The following LTBP1 variants were observed in gnomAD, a reference collection of about 807,000 sequenced individuals.
LTBP1 encodes latent transforming growth factor beta binding protein 1.
In LTBP1, 129 loss-of-function variants were observed where a neutral mutation model predicts 207.6. The observed-to-expected ratio is 0.62, with a 90% CI of 0.54 to 0.72. The LOEUF (loss-of-function observed/expected upper bound fraction) is 0.72, where lower values mean the gene tolerates loss of function less well. Among genes scored for constraint, LTBP1 ranks in the 30% least tolerant of loss-of-function variants. The probability of loss-of-function intolerance (pLI) is 0.00; values close to 1 mark genes in which losing one functional copy is unlikely to be tolerated. For synonymous variants in LTBP1, 963 were observed against 833.7 expected, an observed-to-expected ratio of 1.16 and a Z score of -2.67; for missense variants, 2,281 against 2,217.2, an observed-to-expected ratio of 1.03 and a Z score of -0.58.
At chr2:33,239,159 AC>A (rs2092195885) in intron 9 of LTBP1, among the ~76,000 whole-genome samples, 2 of 152,226 alleles carry the variant, frequency 1.3e-5, no homozygotes, top group South Asian at 4.1e-4. Context: ...AGGCAGAGAT[AC>A]CTGTAAATGT....
At chr2:33,073,323 G>C (rs2077901105) in intron 3 of LTBP1, among the ~76,000 whole-genome samples, 2 of 149,968 alleles carry the variant, frequency 1.3e-5, no homozygotes, top group Admixed American at 6.6e-5. Context: ...CATATCAACA[G>C]ATTTTTCTTT....
chr2:33,118,934 C>T (rs984933782), intron 4 of LTBP1, among the ~76,000 whole-genome samples: 2 of 152,106 alleles, frequency 1.3e-5, no homozygotes, highest in African/African-American at 4.8e-5. Flanking sequence ...ATAAATATTT[C>T]CAAGAAACTT....
At chr2:33,395,354 C>A (rs1427938421) in intron 32 of LTBP1, among the ~76,000 whole-genome samples, 3 of 152,122 alleles carry the variant, frequency 2.0e-5, no homozygotes, top group African/African-American at 7.2e-5. Flanking sequence ...AAATTCAGTG[C>A]TTTTACTTCA....
At chr2:33,080,156 A>G (rs899169239) in intron 3 of LTBP1, among the ~76,000 whole-genome samples, 1 of 152,060 alleles carries the variant, frequency 6.6e-6, no homozygotes, top group Non-Finnish European at 1.5e-5. Context: ...CCTCTTGAGT[A>G]GCTGGGCTTA....
At chr2:33,348,834 A>G (rs938839397) in intron 26 of LTBP1, among the ~76,000 whole-genome samples, 2 of 152,326 alleles carry the variant, frequency 1.3e-5, no homozygotes, top group East Asian at 3.9e-4. Flanking sequence ...TAAAAAGGTA[A>G]TTGTTGGACC....
At chr2:33,260,066 A>G (rs1293444939) in intron 13 of LTBP1, among the ~76,000 whole-genome samples, 1 of 152,224 alleles carries the variant, frequency 6.6e-6, no homozygotes, top group Non-Finnish European at 1.5e-5. Context: ...TTTGAGTAAG[A>G]ACAGAACTTA....
intron 1 of LTBP1, among the ~76,000 whole-genome samples, chr2:32,948,421 T>C (rs980980644): frequency 6.6e-6 from 1 of 152,224 alleles, no homozygotes; most frequent in African/African-American, 2.4e-5. Flanking sequence ...GGAATTCATC[T>C]CAGGTTGGGG....
intron 24 of LTBP1, among the ~76,000 whole-genome samples, chr2:33,329,073 A>G (rs936790051): frequency 2.6e-5 from 4 of 152,186 alleles, no homozygotes; most frequent in Admixed American, 2.6e-4. Flanking sequence ...AAATGTATGT[A>G]TGTTTCACTC....
chr2:33,062,570 G>T (rs2077317343), intron 3 of LTBP1, among the ~76,000 whole-genome samples: 1 of 152,042 alleles, frequency 6.6e-6, no homozygotes, highest in Middle Eastern at 3.2e-3. Flanking sequence ...TTCTCCGTTG[G>T]AATGCTTTGG....
chr2:33,197,584 G>C (rs1002558307), intron 7 of LTBP1, among the ~76,000 whole-genome samples: 2 of 152,138 alleles, frequency 1.3e-5, no homozygotes, highest in African/African-American at 4.8e-5. Context: ...GGTGTCCTTT[G>C]TTTTTAAATT....
At chr2:33,328,727 TG>T (rs1255555935) in intron 24 of LTBP1, among the ~76,000 whole-genome samples, 1 of 152,162 alleles carries the variant, frequency 6.6e-6, no homozygotes, top group Non-Finnish European at 1.5e-5. Flanking sequence ...AGATTTTGGG[TG>T]GGGACACAGC....
intron 3 of LTBP1, among the ~76,000 whole-genome samples, chr2:33,081,360 GATATAC>G (rs1268836402): frequency 1.3e-5 from 2 of 152,036 alleles, no homozygotes; most frequent in African/African-American, 4.8e-5. Flanking sequence ...CCTATACACA[GATATAC>G]ATATACACAC....
intron 2 of LTBP1, among the ~76,000 whole-genome samples, chr2:32,979,154 C>T (rs1231449037): frequency 2.0e-5 from 3 of 150,958 alleles, no homozygotes; most frequent in African/African-American, 7.3e-5. Flanking sequence ...CTTTTCATTT[C>T]ATTGATCTTT....
chr2:33,048,154 T>C (rs1386231963), intron 3 of LTBP1, among the ~76,000 whole-genome samples: 3 of 152,190 alleles, frequency 2.0e-5, no homozygotes, highest in African/African-American at 7.2e-5. Flanking sequence ...GTTGTAAGGA[T>C]AAGAATAAAA....
At chr2:33,123,153 T>G (rs139176843) in intron 4 of LTBP1, among the ~76,000 whole-genome samples, 2,886 of 152,344 alleles carry the variant, frequency 0.019, 53 homozygotes, top group Middle Eastern at 0.12. Context: ...ATCAGTTCCC[T>G]GAGACCCCTG....
At chr2:33,379,488 G>T (rs1324050487) in intron 31 of LTBP1, among the ~76,000 whole-genome samples, 1 of 152,088 alleles carries the variant, frequency 6.6e-6, no homozygotes, top group Non-Finnish European at 1.5e-5. Context: ...GGATTCATAG[G>T]CATGAGCCAC....
intron 3 of LTBP1, among the ~76,000 whole-genome samples, chr2:33,073,490 C>T (rs1198088361): frequency 6.6e-6 from 1 of 152,052 alleles, no homozygotes; most frequent in Non-Finnish European, 1.5e-5. Flanking sequence ...AGAACTGCAA[C>T]GCTTTTTGAA....
intron 8 of LTBP1, among the ~76,000 whole-genome samples, chr2:33,221,336 T>G (rs1209817749): frequency 1.3e-5 from 2 of 152,202 alleles, no homozygotes; most frequent in African/African-American, 2.4e-5. Flanking sequence ...CAGCTATTGA[T>G]AGGAAGAGGA....
intron 7 of LTBP1, among the ~76,000 whole-genome samples, chr2:33,204,603 A>G (rs1030096616): frequency 2.0e-5 from 3 of 151,546 alleles, no homozygotes; most frequent in Admixed American, 6.6e-5. Flanking sequence ...TTTAAGAGAT[A>G]GGGTCTCACT....
Sources: gnomAD v4.1 joint callset for allele counts (sites outside exome capture counted in the v4.1 genomes callset) on GRCh38, gnomAD v4.1.1 for gene constraint, MANE v1.5 for transcripts, NCBI Gene and HGNC (gene_info 2026-07-23, HGNC 2026-07-21) for gene names.